The following ST6GAL2 variants were observed in gnomAD, a reference collection of about 807,000 sequenced individuals.
ST6GAL2 encodes the protein beta-galactoside alpha-2,6-sialyltransferase 2.
ST6GAL2 carries 24 observed loss-of-function variants against 37.5 expected under a neutral mutation model. The ratio of observed to expected loss-of-function variants is 0.64; its 90% CI spans 0.46 to 0.90. The LOEUF is 0.90. ST6GAL2 is among the 40% of genes least tolerant of loss of function. The pLI is 0.00. For synonymous variants in ST6GAL2, 306 were observed against 295.1 expected, an observed-to-expected ratio of 1.04 and a Z score of -0.38; for missense variants, 715 against 712.7, an observed-to-expected ratio of 1.00 and a Z score of -0.04.
chr2:106,869,302 G>A (rs918325472), intron 1 of ST6GAL2, among the ~76,000 whole-genome samples: 3 of 152,166 alleles, frequency 2.0e-5, no homozygotes, highest in African/African-American at 7.2e-5. Context: ...CAGCTTCCTT[G>A]TGCACAGAGC....
chr2:106,876,216 A>G (rs1262190489), intron 1 of ST6GAL2, among the ~76,000 whole-genome samples: 1 of 152,208 alleles, frequency 6.6e-6, no homozygotes, highest in Non-Finnish European at 1.5e-5. Flanking sequence ...ATATTTTAAA[A>G]TACATCTTCA....
intron 2 of ST6GAL2, among the ~76,000 whole-genome samples, chr2:106,839,255 A>T (rs930303304): frequency 2.0e-5 from 3 of 151,888 alleles, no homozygotes; most frequent in African/African-American, 7.3e-5. Flanking sequence ...CCTGCACAAC[A>T]TGCTGTTTCT....
chr2:106,843,827 G>A lies in ST6GAL2; in HGVS notation c.151C>T (p.Leu51Phe), dbSNP rs1451486411. ...SSLSFLETRR[L>F]LPVQGKQRAI... ...CGCTGCTTCCCCTGCACCGGCAGGA[G>A]CCTCCTGGTCTCCAGGAAGGAGAGG... The change falls in exon 2 of 6, where the codon CTC (leucine) becomes TTC (phenylalanine). Residue 51 changes from leucine to phenylalanine, a missense_variant. By Grantham distance (22) the Leu-to-Phe change is conservative (BLOSUM62 0). Transcript: ENST00000409382. 2 of 1,612,056 alleles carry A rather than the reference G, an allele frequency of 1.2e-6. No individual in the cohort carries two copies. The highest frequency in any genetic ancestry group is 2.2e-5 in the East Asian group (1 of 44,808).
chr2:106,859,287 G>A (rs939408392), intron 1 of ST6GAL2, among the ~76,000 whole-genome samples: 3 of 152,062 alleles, frequency 2.0e-5, no homozygotes, highest in African/African-American at 7.2e-5. Context: ...TCCATTTTTT[G>A]AATACTTTTG....
chr2:106,823,737 T>C (rs781184477), intron 5 of ST6GAL2, among the ~76,000 whole-genome samples: 1 of 152,178 alleles, frequency 6.6e-6, no homozygotes, highest in Non-Finnish European at 1.5e-5. Context: ...TTATTTCTCA[T>C]AGTTTTAGGG....
At chr2:106,807,153 A>G (rs1360907211) in intron 5 of ST6GAL2, among the ~76,000 whole-genome samples, 1 of 151,712 alleles carries the variant, frequency 6.6e-6, no homozygotes, top group African/African-American at 2.4e-5. Context: ...AAAATGTAAC[A>G]CTATATATAT....
At chr2:106,867,559 G>C (rs892240785) in intron 1 of ST6GAL2, among the ~76,000 whole-genome samples, 3 of 152,146 alleles carry the variant, frequency 2.0e-5, no homozygotes, top group Non-Finnish European at 4.4e-5. Context: ...AAGAACCTCA[G>C]AAATCCCAAA....
intron 1 of ST6GAL2, among the ~76,000 whole-genome samples, chr2:106,847,851 G>C (rs532120179): frequency 4.5e-4 from 68 of 152,154 alleles, no homozygotes; most frequent in African/African-American, 1.5e-3. Context: ...CAACACATCA[G>C]TGTGTTCATG....
At chr2:106,835,646 A>G (rs1016698696) in intron 2 of ST6GAL2, among the ~76,000 whole-genome samples, 6 of 152,212 alleles carry the variant, frequency 3.9e-5, no homozygotes, top group Non-Finnish European at 5.9e-5. Flanking sequence ...TAGTAAATCA[A>G]GTTCCACCAT....
At chr2:106,880,169 T>C (rs750104034) in intron 1 of ST6GAL2, among the ~76,000 whole-genome samples, 2 of 152,136 alleles carry the variant, frequency 1.3e-5, no homozygotes, top group Non-Finnish European at 2.9e-5. Context: ...AATTAGAGCA[T>C]ATAATTTTCT....
chr2:106,845,450 T>A (rs1677105301), intron 1 of ST6GAL2, among the ~76,000 whole-genome samples: 1 of 152,146 alleles, frequency 6.6e-6, no homozygotes, highest in Non-Finnish European at 1.5e-5. Context: ...AGAAATCAGA[T>A]ACTCAGAAAG....
At chr2:106,857,178 GC>G (rs1369864182) in intron 1 of ST6GAL2, among the ~76,000 whole-genome samples, 3 of 152,178 alleles carry the variant, frequency 2.0e-5, no homozygotes, top group Non-Finnish European at 4.4e-5. Context: ...ATGCCAAGTT[GC>G]TAAGGACCTA....
intron 1 of ST6GAL2, among the ~76,000 whole-genome samples, chr2:106,861,807 T>G (rs1677810780): frequency 6.6e-6 from 1 of 152,012 alleles, no homozygotes; most frequent in African/African-American, 2.4e-5. Context: ...ATTTTTGTAT[T>G]TTTTGATGGA....
intron 1 of ST6GAL2, among the ~76,000 whole-genome samples, chr2:106,846,122 C>T (rs1177156861): frequency 6.6e-6 from 1 of 152,224 alleles, no homozygotes; most frequent in African/African-American, 2.4e-5. Flanking sequence ...GTCTGTTGCA[C>T]TTCCCGATGA....
intron 5 of ST6GAL2, among the ~76,000 whole-genome samples, chr2:106,812,373 G>T (rs1032082806): frequency 1.3e-5 from 2 of 152,166 alleles, no homozygotes; most frequent in South Asian, 2.1e-4. Flanking sequence ...ATGAAATTTT[G>T]CCAACCAGGG....
At chr2:106,817,391 G>A (rs1675841757) in intron 5 of ST6GAL2, among the ~76,000 whole-genome samples, 1 of 152,242 alleles carries the variant, frequency 6.6e-6, no homozygotes, top group Non-Finnish European at 1.5e-5. Context: ...AGCCACAGTA[G>A]GATAGGGCAC....
chr2:106,871,567 CTTTATA>C (rs767725638), intron 1 of ST6GAL2, among the ~76,000 whole-genome samples: 1 of 152,096 alleles, frequency 6.6e-6, no homozygotes, highest in East Asian at 1.9e-4. Flanking sequence ...TACAAAATAT[CTTTATA>C]TTTATTCTAT....
chr2:106,862,500 G>C (rs1371030038), intron 1 of ST6GAL2, among the ~76,000 whole-genome samples: 1 of 152,110 alleles, frequency 6.6e-6, no homozygotes, highest in Non-Finnish European at 1.5e-5. Flanking sequence ...TTTCTGAACA[G>C]CGTAGGCTTA....
At chr2:106,842,638 T>A (rs1676937657) in intron 2 of ST6GAL2, among the ~76,000 whole-genome samples, 1 of 152,174 alleles carries the variant, frequency 6.6e-6, no homozygotes, top group African/African-American at 2.4e-5. Context: ...TCACCGGGCT[T>A]TCAGGGGCCA....
Sources: gnomAD v4.1 joint callset for allele counts (sites outside exome capture counted in the v4.1 genomes callset) on GRCh38, gnomAD v4.1.1 for gene constraint, MANE v1.5 for transcripts, NCBI Gene and HGNC (gene_info 2026-07-23, HGNC 2026-07-21) for gene names.